ANXA13: variants seen among roughly 807,000 people sequenced by gnomAD.
The protein encoded by ANXA13 is annexin A13, also known as annexin XIII.
ANXA13 carries 36 observed loss-of-function variants against 46.6 expected under a neutral mutation model. That is an observed-to-expected ratio of 0.77 (90% confidence interval 0.59 to 1.02). ANXA13 has a LOEUF of 1.02. Ranked by LOEUF, ANXA13 falls within the 50% of genes least tolerant of loss-of-function variation. The pLI is 0.00. For synonymous variants in ANXA13, 163 were observed against 152.9 expected, an observed-to-expected ratio of 1.07 and a Z score of -0.49; for missense variants, 417 against 396.5, an observed-to-expected ratio of 1.05 and a Z score of -0.44.
At chr8:123,681,823 A>C (rs1410267390) in intron 10 of ANXA13, among the ~76,000 whole-genome samples, 3 of 151,912 alleles carry the variant, frequency 2.0e-5, no homozygotes. Context: ...CGGGGGTTTC[A>C]TCATGTTGGC....
chr8:123,692,888 C>T (rs1339189309), intron 8 of ANXA13, among the ~76,000 whole-genome samples: 2 of 151,724 alleles, frequency 1.3e-5, no homozygotes, highest in Non-Finnish European at 2.9e-5. Context: ...GTTGTGAAGC[C>T]GGTTTCCAGC....
At chr8:123,712,528 A>G (rs1290162615) in intron 2 of ANXA13, 150 bp downstream of exon 2, 2 of 699,786 alleles carry the variant, frequency 2.9e-6, no homozygotes, top group Non-Finnish European at 5.0e-6. Flanking sequence ...GCGAACTTTA[A>G]TAAAGAGGTT....
chr8:123,688,749 G>T, intron 9 of ANXA13, 122 bp downstream of exon 9: 1 of 821,712 alleles, frequency 1.2e-6, no homozygotes, highest in East Asian at 2.5e-5. Flanking sequence ...CTTGCTCAGT[G>T]CTGCTTAGAC....
At chr8:123,720,712 T>C (rs940829247) in intron 1 of ANXA13, among the ~76,000 whole-genome samples, 9 of 147,886 alleles carry the variant, frequency 6.1e-5, no homozygotes, top group African/African-American at 2.3e-4. Context: ...TAAGAACATT[T>C]AACTTGACAT....
At chr8:123,732,438 G>T (rs1814136445) in intron 1 of ANXA13, among the ~76,000 whole-genome samples, 1 of 152,136 alleles carries the variant, frequency 6.6e-6, no homozygotes, top group African/African-American at 2.4e-5. Context: ...TAAACTTCCA[G>T]TTACAACCAT....
intron 1 of ANXA13, among the ~76,000 whole-genome samples, chr8:123,732,553 G>A (rs373493907): frequency 6.6e-6 from 1 of 152,254 alleles, no homozygotes. Flanking sequence ...GCACCAAGTG[G>A]CTCCAGACTC....
chr8:123,713,842 G>C (rs1454386655), intron 1 of ANXA13, among the ~76,000 whole-genome samples: 1 of 152,046 alleles, frequency 6.6e-6, no homozygotes, highest in Non-Finnish European at 1.5e-5. Context: ...ATAGGTGCAC[G>C]CCACCATGCC....
rs755549123 is a variant in ANXA13 at position 123,693,234 on chromosome 8, T to C, written c.605A>G (p.Tyr202Cys). The change falls in exon 8 of 11, where the codon TAC (tyrosine) becomes TGC (cysteine). Residue 202 changes from tyrosine to cysteine, a missense_variant. Tyr to Cys is a radical substitution (Grantham distance 194, BLOSUM62 -2). Transcript: ENST00000419625. ...AFNEVLAKRS[Y>C]KQLRATFQAY... is the part of the protein sequence containing the mutation. ...TTGAAAGGTGGCTCGTAACTGCTTG[T>C]AGCTCCTCTTGGCCAGGACTTCATT... The C allele has an allele frequency of 5.6e-6, 9 of 1,614,094 alleles. No individual in the cohort carries two copies. Among genetic ancestry groups the C allele is most frequent in the African/African-American group, 1.3e-5 (1 of 74,928 alleles).
At chr8:123,699,229 G>C (rs1813400231) in intron 3 of ANXA13, among the ~76,000 whole-genome samples, 1 of 152,142 alleles carries the variant, frequency 6.6e-6, no homozygotes, top group South Asian at 2.1e-4. Flanking sequence ...ACCCAGGCTG[G>C]AGTGCAGTGG....
In ANXA13 at chr8:123,702,672, G is replaced by T; in HGVS notation, c.156C>A (p.Ile52=). 6.2e-7 allele frequency: 1 copy of T among 1,614,062 alleles called. No individual in the cohort carries two copies. Among genetic ancestry groups the T allele is most frequent in the Non-Finnish European group, 8.5e-7 (1 of 1,179,990 alleles). Reference sequence around the variant, plus strand: ...CGTACGTTGCCTTGTACTTTTGCTTGATTTGTTGCCTCTCATCTGATGTCC... The same window carrying T: ...CGTACGTTGCCTTGTACTTTTGCTTTATTTGTTGCCTCTCATCTGATGTCC... ...SGRTSDERQQ[I]KQKYKATYGK... The change falls in exon 3 of 11, where the codon ATC becomes ATA. Residue 52 remains isoleucine, a synonymous_variant. Coordinates refer to ENST00000419625, the MANE Select transcript of ANXA13 (RefSeq NM_004306.4).
At chr8:123,682,749 C>T (rs1054851570) in intron 10 of ANXA13, among the ~76,000 whole-genome samples, 1 of 152,134 alleles carries the variant, frequency 6.6e-6, no homozygotes, top group Non-Finnish European at 1.5e-5. Flanking sequence ...ATGGGGTGCA[C>T]AGGGCTCTGT....
At chr8:123,735,764 G>T in intron 1 of ANXA13, 5 of 1,611,036 alleles carry the variant, frequency 3.1e-6, no homozygotes, top group East Asian at 2.2e-5. Flanking sequence ...CAGGCTGTGG[G>T]GCCTCTGGCT....
At chr8:123,704,810 T>C (rs573684518) in intron 2 of ANXA13, among the ~76,000 whole-genome samples, 1 of 152,232 alleles carries the variant, frequency 6.6e-6, no homozygotes, top group Non-Finnish European at 1.5e-5. Flanking sequence ...GATTGGCCTG[T>C]ATTCTTCCAC....
chr8:123,708,381 G>A lies in ANXA13; in HGVS notation c.91+4297C>T, dbSNP rs146115036. ...TCCAGACAGGGTGGGAAGCCCCCAGGCCCTTGTGGCAGAACAGTGATCGGG... is the reference window on the plus strand; with the variant it reads ...TCCAGACAGGGTGGGAAGCCCCCAGACCCTTGTGGCAGAACAGTGATCGGG... On this transcript the variant is annotated intron_variant, in intron 2 of 10. Transcript: ENST00000419625. 4.3e-4 allele frequency among the ~76,000 whole-genome samples: 65 copies of A among 152,300 alleles called. 1 individual carries two copies. In the East Asian group the frequency reaches 0.01, roughly 24 times the overall value.
chr8:123,697,249 C>T (rs1023861399), intron 4 of ANXA13, among the ~76,000 whole-genome samples: 2 of 152,146 alleles, frequency 1.3e-5, no homozygotes, highest in African/African-American at 4.8e-5. Flanking sequence ...TTCACAAAGG[C>T]AGGTGCTGAC....
intron 9 of ANXA13, 63 bp from the exon 10 acceptor site, chr8:123,684,785 C>A: frequency 8.0e-7 from 1 of 1,254,310 alleles, no homozygotes; most frequent in Non-Finnish European, 1.2e-6. Context: ...ACCTTGGGAC[C>A]CCCCTAAATG....
chr8:123,736,169 T>A (rs1405444271), intron 1 of ANXA13, among the ~76,000 whole-genome samples: 1 of 152,224 alleles, frequency 6.6e-6, no homozygotes, highest in Admixed American at 6.5e-5. Flanking sequence ...TTTGTAAACA[T>A]CTGAGTGCAG....
rs1365083954 is a variant in ANXA13 at position 123,693,760 on chromosome 8, T to C, written c.491A>G (p.Asp164Gly). 3.1e-6 allele frequency: 5 copies of C among 1,614,128 alleles called. No individual in the cohort carries two copies. The highest frequency in any genetic ancestry group is 1.7e-4 in the Middle Eastern group (1 of 6,060). ...SLLQANRNEG[D>G]DVDKDLAGQD... ...ACCAGCTAGATCTTTGTCCACGTCATCTCCTTCATTGCGATTAGCCTAGAA... is the reference window on the plus strand; with the variant it reads ...ACCAGCTAGATCTTTGTCCACGTCACCTCCTTCATTGCGATTAGCCTAGAA... The change falls in exon 7 of 11, where the codon GAT becomes GGT. Residue 164 changes from aspartate (D) to glycine (G), a missense_variant. Transcript: ENST00000419625.
intron 4 of ANXA13, among the ~76,000 whole-genome samples, chr8:123,698,088 GGC>G: frequency 6.6e-6 from 1 of 152,356 alleles, no homozygotes. Context: ...CGCAAAGTCA[GGC>G]TGGGTGGGGG....
Sources: gnomAD v4.1 joint callset for allele counts (sites outside exome capture counted in the v4.1 genomes callset) on GRCh38, gnomAD v4.1.1 for gene constraint, MANE v1.5 for transcripts, NCBI Gene and HGNC (gene_info 2026-07-23, HGNC 2026-07-21) for gene names.